The following BTLA variants were observed in gnomAD, a reference collection of about 807,000 sequenced individuals.
BTLA encodes the protein B- and T-lymphocyte attenuator.
Under a neutral mutation model 25.0 loss-of-function variants are expected in BTLA, and 11 were observed. The observed-to-expected ratio is 0.44, with a 90% CI of 0.28 to 0.73. BTLA has a LOEUF of 0.73. Among genes scored for constraint, BTLA ranks in the 30% least tolerant of loss-of-function variants. The pLI, the probability that BTLA is intolerant of heterozygous loss-of-function variation, is 0.15. For synonymous variants in BTLA, 104 were observed against 119.8 expected (o/e 0.87, Z 0.86); for missense variants, 282 against 332.8 (o/e 0.85, Z 1.19).
intron 1 of BTLA, among the ~76,000 whole-genome samples, chr3:112,481,034 T>C (rs2082315358): frequency 1.3e-5 from 2 of 152,168 alleles, no homozygotes; most frequent in South Asian, 4.1e-4. Context: ...GTAGGACAGA[T>C]ATAAGATAGA....
chr3:112,492,518 G>T (rs2082385674), intron 1 of BTLA, among the ~76,000 whole-genome samples: 1 of 152,198 alleles, frequency 6.6e-6, no homozygotes, highest in African/African-American at 2.4e-5. Context: ...TGTTACTTGT[G>T]ATGTTCAGAT....
Position 112,466,568 on chromosome 3 carries a change from G to C in BTLA, c.595-185C>G, listed in dbSNP as rs185693709. Among the ~76,000 whole-genome samples the C allele has an allele frequency of 3.7e-4, 56 of 152,250 alleles. No homozygotes were observed. The East Asian group carries it at 0.01, about 28-fold the overall frequency. ...AATTTCAATTATTAAAGGATGAAAG[G>C]CTTGAGAATCACTATGTCACCCCTA... On this transcript the variant is annotated intron_variant, in intron 4 of 4. Coordinates refer to ENST00000334529, the MANE Select transcript of BTLA (RefSeq NM_181780.4).
In BTLA at chr3:112,479,651, C is replaced by T; in HGVS notation, c.207G>A (p.Val69=). The T allele has an allele frequency of 6.2e-7, 1 of 1,614,130 alleles. No individual in the cohort carries two copies. The highest frequency in any genetic ancestry group is 8.5e-7 in the Non-Finnish European group (1 of 1,179,994). The part of the protein sequence containing the change: ...PVKYCANRPH[V]TWCKLNGTTC... ...TTGTTCCATTGAGCTTGCACCAAGT[C>T]ACATGAGGCCTGTTAGCACAGTATT... The change falls in exon 2 of 5, where the codon GTG becomes GTA. Residue 69 remains valine, a synonymous_variant. Coordinates refer to ENST00000334529, the MANE Select transcript of BTLA (RefSeq NM_181780.4).
chr3:112,469,362 C>T (rs1004263170), intron 4 of BTLA, among the ~76,000 whole-genome samples: 1 of 151,906 alleles, frequency 6.6e-6, no homozygotes, highest in Admixed American at 6.6e-5. Context: ...TTCATCAGCT[C>T]CCTACTCTCT....
intron 2 of BTLA, among the ~76,000 whole-genome samples, chr3:112,471,748 G>C (rs1442526028): frequency 6.6e-6 from 1 of 152,202 alleles, no homozygotes; most frequent in Admixed American, 6.5e-5. Context: ...TAGCTAGTGA[G>C]TGGCAATGGG....
At chr3:112,494,935 AC>A (rs1282223708) in intron 1 of BTLA, among the ~76,000 whole-genome samples, 10 of 152,214 alleles carry the variant, frequency 6.6e-5, no homozygotes, top group Admixed American at 6.5e-4. Context: ...TTTATAGAAG[AC>A]TTTTGTGAAC....
At chr3:112,483,362 G>A (rs1429419924) in intron 1 of BTLA, among the ~76,000 whole-genome samples, 1 of 151,544 alleles carries the variant, frequency 6.6e-6, no homozygotes, top group African/African-American at 2.4e-5. Context: ...TGGTCAGGCT[G>A]GTCTTGAACT....
In BTLA at chr3:112,466,298, T is replaced by C. The variant is rs557593638; in HGVS notation, c.680A>G (p.Asp227Gly). ...QVLLSETGIY[D>G]NDPDLCFRMQ... ...CCTGAAACAAAGGTCAGGGTCATTA[T>C]CATAAATTCCAGTTTCTGATAGCAG... The change falls in exon 5 of 5, where the codon GAT becomes GGT. Residue 227 changes from aspartate (D) to glycine (G), a missense_variant. Asp to Gly is a moderately conservative substitution (Grantham distance 94, BLOSUM62 -1). Transcript: ENST00000334529. 1.2e-6 allele frequency: 2 copies of C among 1,613,950 alleles called. No homozygotes were observed. The highest frequency in any genetic ancestry group is 1.1e-5 in the South Asian group (1 of 91,040).
At chr3:112,493,235 A>G (rs556509171) in intron 1 of BTLA, among the ~76,000 whole-genome samples, 1 of 152,356 alleles carries the variant, frequency 6.6e-6, no homozygotes, top group Non-Finnish European at 1.5e-5. Context: ...TTGGTGACCA[A>G]GGATAAGAGT....
At chr3:112,476,446 T>A (rs2082288930) in intron 2 of BTLA, among the ~76,000 whole-genome samples, 1 of 152,188 alleles carries the variant, frequency 6.6e-6, no homozygotes, top group Non-Finnish European at 1.5e-5. Context: ...CAAATTAATT[T>A]TAAAAAGATC....
chr3:112,481,392 T>G (rs867009272), intron 1 of BTLA, among the ~76,000 whole-genome samples: 5 of 152,232 alleles, frequency 3.3e-5, no homozygotes, highest in African/African-American at 1.2e-4. Context: ...ACTTAGCAAG[T>G]GGGTGCCACC....
intron 1 of BTLA, among the ~76,000 whole-genome samples, chr3:112,490,080 C>T (rs2705535): frequency 0.083 from 12,659 of 152,186 alleles, 1,096 homozygotes; most frequent in African/African-American, 0.2. Flanking sequence ...ACCCAGGTAG[C>T]ATACTTTCCC....
At chr3:112,489,306 A>G (rs181578688) in intron 1 of BTLA, among the ~76,000 whole-genome samples, 7 of 152,332 alleles carry the variant, frequency 4.6e-5, no homozygotes, top group Non-Finnish European at 1.0e-4. Flanking sequence ...GAGCAAGTGT[A>G]GTTGCTGAGC....
chr3:112,496,485 C>G (rs1173679814), intron 1 of BTLA, among the ~76,000 whole-genome samples: 1 of 152,150 alleles, frequency 6.6e-6, no homozygotes, highest in African/African-American at 2.4e-5. Context: ...ACGGATCTCA[C>G]ATTGCTTTGA....
At chr3:112,471,821 GTCTCGTAACTTA>G (rs2082263948) in intron 2 of BTLA, among the ~76,000 whole-genome samples, 1 of 152,152 alleles carries the variant, frequency 6.6e-6, no homozygotes, top group African/African-American at 2.4e-5. Flanking sequence ...TCCTTTCCTT[GTCTCGTAACTTA>G]TCAGAATCTC....
At chr3:112,468,398 G>T (rs1015628748) in intron 4 of BTLA, among the ~76,000 whole-genome samples, 2 of 152,086 alleles carry the variant, frequency 1.3e-5, no homozygotes, top group Non-Finnish European at 2.9e-5. Context: ...TTTATGTTAA[G>T]AAATATTTAG....
chr3:112,485,774 T>C (rs1005802648), intron 1 of BTLA, among the ~76,000 whole-genome samples: 1 of 152,174 alleles, frequency 6.6e-6, no homozygotes. Context: ...TGACAGGAAA[T>C]TTTCAATGCT....
Position 112,479,655 on chromosome 3 carries a change from T to C in BTLA, c.203A>G (p.His68Arg), listed in dbSNP as rs1218899584. The C allele has an allele frequency of 1.9e-6, 3 of 1,614,170 alleles. No homozygotes were observed. Among genetic ancestry groups the C allele is most frequent in the Non-Finnish European group, 2.5e-6 (3 of 1,179,994 alleles). Reference protein sequence around the residue: ...CPVKYCANRPHVTWCKLNGTT... With the variant: ...CPVKYCANRPRVTWCKLNGTT... ...TCCATTGAGCTTGCACCAAGTCACA[T>C]GAGGCCTGTTAGCACAGTATTTCAC... Residue 68 changes from histidine (H) to arginine (R), a missense_variant, in exon 2 of 5, where the codon CAT (histidine) becomes CGT (arginine). By Grantham distance (29) the His-to-Arg change is conservative. Around this residue, in one of 2 missense-constraint regions of BTLA, gnomAD observed 163 missense variants for 230.4 expected, o/e 0.71. Transcript: ENST00000334529.
intron 4 of BTLA, among the ~76,000 whole-genome samples, chr3:112,468,538 A>G (rs2082243134): frequency 6.6e-6 from 1 of 152,218 alleles, no homozygotes. Context: ...ACAATTGCAC[A>G]TACAGAAAAT....
Sources: gnomAD v4.1 joint callset for allele counts (sites outside exome capture counted in the v4.1 genomes callset) on GRCh38, gnomAD v4.1.1 for gene constraint, gnomAD v4.1.1 regional missense constraint, MANE v1.5 for transcripts, NCBI Gene and HGNC (gene_info 2026-07-23, HGNC 2026-07-21) for gene names.